The following PRKACB variants were observed in gnomAD, a reference collection of about 807,000 sequenced individuals.
The protein encoded by PRKACB is protein kinase cAMP-activated catalytic subunit beta.
PRKACB carries 16 observed loss-of-function variants against 51.4 expected under a neutral mutation model. The ratio of observed to expected loss-of-function variants is 0.31; its 90% CI spans 0.21 to 0.47. The LOEUF (loss-of-function observed/expected upper bound fraction) is 0.47, where lower values mean the gene tolerates loss of function less well. Ranked by LOEUF, PRKACB falls within the 20% of genes least tolerant of loss-of-function variation. PRKACB has a pLI of 1.00. For synonymous variants in PRKACB, 147 were observed against 154.4 expected (o/e 0.95, Z 0.35); for missense variants, 309 against 464.5 (o/e 0.67, Z 3.08).
At chr1:84,139,887 T>A (rs967893709), upstream of PRKACB, among the ~76,000 whole-genome samples, 3 of 152,044 alleles carry the variant, frequency 2.0e-5, no homozygotes, top group Non-Finnish European at 4.4e-5. Flanking sequence ...TGAAACTTTG[T>A]CTCTACTAAA....
chr1:84,078,120 C>T (rs1557887994), upstream of PRKACB: 538 of 412,424 alleles, frequency 1.3e-3, no homozygotes, highest in South Asian at 3.7e-3. Flanking sequence ...CCGCCGCCGC[C>T]GCTGCTGCTG....
intron 1 of PRKACB, among the ~76,000 whole-genome samples, chr1:84,176,037 G>A (rs1429308769): frequency 3.3e-5 from 5 of 151,610 alleles, no homozygotes; most frequent in African/African-American, 1.2e-4. Context: ...ATCACTGTTA[G>A]ATGCTTTGGA....
intron 2 of PRKACB, among the ~76,000 whole-genome samples, chr1:84,180,668 A>G (rs186018437): frequency 3.9e-5 from 6 of 152,148 alleles, no homozygotes; most frequent in Admixed American, 3.9e-4. Context: ...TTTTCTCACT[A>G]AAGAATTCTA....
intron 1 of PRKACB, among the ~76,000 whole-genome samples, chr1:84,163,699 C>T (rs1362371404): frequency 1.3e-5 from 2 of 151,956 alleles, no homozygotes; most frequent in African/African-American, 4.8e-5. Flanking sequence ...TATGACTGCT[C>T]GATTTCCAGA....
At chr1:84,159,316 A>G (rs1655900215) in intron 1 of PRKACB, among the ~76,000 whole-genome samples, 1 of 152,052 alleles carries the variant, frequency 6.6e-6, no homozygotes, top group Non-Finnish European at 1.5e-5. Context: ...TAATTTCTTT[A>G]GCGTTCCAGT....
chr1:84,140,680 A>T (rs1436359109), upstream of PRKACB, among the ~76,000 whole-genome samples: 1 of 152,122 alleles, frequency 6.6e-6, no homozygotes, highest in Non-Finnish European at 1.5e-5. Flanking sequence ...CTCATAGCAG[A>T]TTTTCAGACC....
At chr1:84,214,420 CT>C (rs1455881586) in intron 9 of PRKACB, 103 bp downstream of exon 9, 4 of 1,119,814 alleles carry the variant, frequency 3.6e-6, no homozygotes, top group Non-Finnish European at 4.9e-6. Context: ...ATTTTTTTAC[CT>C]TTTGAATTAA....
At chr1:84,131,886 A>G (rs1652253152) in intron 1 of PRKACB, among the ~76,000 whole-genome samples, 1 of 152,216 alleles carries the variant, frequency 6.6e-6, no homozygotes, top group Non-Finnish European at 1.5e-5. Context: ...TTTATCAGGT[A>G]CTTCATATTC....
chr1:84,158,144 A>T (rs1428781204), intron 1 of PRKACB, among the ~76,000 whole-genome samples: 1 of 151,194 alleles, frequency 6.6e-6, no homozygotes, highest in Non-Finnish European at 1.5e-5. Context: ...GGCGCAAGTG[A>T]TTCTCCTGTC....
intron 2 of PRKACB, among the ~76,000 whole-genome samples, chr1:84,181,413 G>C (rs926196696): frequency 6.6e-6 from 1 of 151,852 alleles, no homozygotes; most frequent in African/African-American, 2.4e-5. Context: ...TTTTCATTTT[G>C]TTGTGGCAGG....
At chr1:84,195,046 G>A (rs1044292401) in intron 5 of PRKACB, among the ~76,000 whole-genome samples, 1 of 152,186 alleles carries the variant, frequency 6.6e-6, no homozygotes, top group African/African-American at 2.4e-5. Context: ...ATTTACAGAT[G>A]CATGTAAACG....
At chr1:84,141,551 CAG>C (rs1653417708), upstream of PRKACB, among the ~76,000 whole-genome samples, 1 of 151,986 alleles carries the variant, frequency 6.6e-6, no homozygotes, top group Non-Finnish European at 1.5e-5. Flanking sequence ...ATTTTTAAAA[CAG>C]TGCAGATTTA....
intron 9 of PRKACB, among the ~76,000 whole-genome samples, chr1:84,221,018 C>G (rs934661997): frequency 1.3e-5 from 2 of 152,006 alleles, no homozygotes; most frequent in Non-Finnish European, 2.9e-5. Flanking sequence ...TGAATTGATG[C>G]TAGTTCTTCT....
chr1:84,171,194 AATTT>A (rs1659365083), intron 1 of PRKACB, among the ~76,000 whole-genome samples: 2 of 151,642 alleles, frequency 1.3e-5, no homozygotes, highest in Non-Finnish European at 3.0e-5. Context: ...TATAGAGTTA[AATTT>A]TAAGTGCTCA....
intron 1 of PRKACB, chr1:84,164,361 G>GA: frequency 6.4e-7 from 1 of 1,558,126 alleles, no homozygotes; most frequent in Non-Finnish European, 8.7e-7. Context: ...TGGTGTAATT[G>GA]AAAGACGTTT....
chr1:84,170,174 G>T (rs992419917), intron 1 of PRKACB, among the ~76,000 whole-genome samples: 24 of 151,686 alleles, frequency 1.6e-4, no homozygotes, highest in African/African-American at 5.8e-4. Context: ...TTTAGACCTT[G>T]GTGGGGCTTT....
chr1:84,229,796 A>G (rs1177253368), intron 9 of PRKACB, among the ~76,000 whole-genome samples: 2 of 151,368 alleles, frequency 1.3e-5, no homozygotes, highest in African/African-American at 4.9e-5. Flanking sequence ...TTTTTCTTGT[A>G]AATTTGTTTG....
At chr1:84,152,822 T>A (rs558335167) in intron 1 of PRKACB, among the ~76,000 whole-genome samples, 1 of 152,330 alleles carries the variant, frequency 6.6e-6, no homozygotes, top group South Asian at 2.1e-4. Flanking sequence ...TGCCTTCTTA[T>A]CATTAGTGTG....
At chr1:84,181,577 G>A in intron 2 of PRKACB, 1 of 839,908 alleles carries the variant, frequency 1.2e-6, no homozygotes. Flanking sequence ...TGTAGAATGA[G>A]GAACTCTTCT....
Sources: allele counts gnomAD v4.1 joint callset (sites outside exome capture counted in the v4.1 genomes callset), GRCh38; gene constraint gnomAD v4.1.1; transcripts MANE v1.5; gene names NCBI Gene and HGNC (gene_info 2026-07-23, HGNC 2026-07-21).